Variants in MLANA observed in about 807,000 individuals in gnomAD.
The protein encoded by MLANA is melanoma antigen recognized by T-cells 1.
MLANA carries 21 observed loss-of-function variants against 15.7 expected under a neutral mutation model. The ratio of observed to expected loss-of-function variants is 1.33; its 90% confidence interval spans 0.95 to 1.92. The LOEUF (loss-of-function observed/expected upper bound fraction) is 1.92, where lower values mean the gene tolerates loss of function less well. MLANA is among the 40% of genes most tolerant of loss of function. The pLI is 0.00. For missense variants in MLANA, 164 were observed against 143.8 expected, an observed-to-expected ratio of 1.14 and a Z score of -0.72; for synonymous variants, 56 against 51.5, an observed-to-expected ratio of 1.09 and a Z score of -0.37.
At chr9:5,893,635 A>G (rs1831806191) in intron 2 of MLANA, among the ~76,000 whole-genome samples, 1 of 152,184 alleles carries the variant, frequency 6.6e-6, no homozygotes, top group Non-Finnish European at 1.5e-5. Context: ...CCGTGCTATT[A>G]GTTAGGGTAT....
In MLANA at chr9:5,906,129, T is replaced by C. The variant is rs1586962141; in HGVS notation, c.175-756T>C. Among the ~76,000 whole-genome samples, 3 of 151,682 alleles carry C rather than the reference T, an allele frequency of 2.0e-5. No individual in the cohort carries two copies. In the East Asian group the frequency reaches 5.8e-4, roughly 29 times the overall value. On this transcript the variant is annotated intron_variant, in intron 3 of 4. Coordinates refer to ENST00000381477, the MANE Select transcript of MLANA (RefSeq NM_005511.2). ...CTACTCAGAGGCTGAGGCAGGAGGA[T>C]TGCTTGAGCTCAGGAGTTTAAGACC...
intron 3 of MLANA, 21 bp from the exon 4 acceptor site, chr9:5,906,864 C>T (rs766673610): frequency 2.7e-6 from 4 of 1,484,928 alleles, no homozygotes; most frequent in African/African-American, 1.5e-5. Flanking sequence ...ACCCACTCAC[C>T]TTTATCAATT....
Position 5,894,445 on chromosome 9 carries a change from C to T in MLANA, c.77+1894C>T, listed in dbSNP as rs887608760. ...CTACCCCCGTGTCTGGGGTAACAAA[C>T]GGAAGGGTGAGGCCATCAGGACCTA... On this transcript the variant is annotated intron_variant, in intron 2 of 4. Transcript: ENST00000381477. This position sits in a 1 kb window ranked among gnomAD's most constrained non-coding sequence, Gnocchi z 4.0. Among the ~76,000 whole-genome samples the T allele has an allele frequency of 1.2e-4, 19 of 152,236 alleles. No homozygotes were observed. Among genetic ancestry groups the T allele is most frequent in the Admixed American group, 3.9e-4 (6 of 15,284 alleles).
intron 2 of MLANA, among the ~76,000 whole-genome samples, chr9:5,893,386 G>A (rs1231287532): frequency 2.6e-5 from 4 of 152,182 alleles, no homozygotes; most frequent in East Asian, 1.9e-4. Context: ...CTGTGAACCT[G>A]CTCTTTCTTT....
intron 2 of MLANA, 100 bp from the exon 3 acceptor site, chr9:5,897,457 G>T: frequency 9.3e-7 from 1 of 1,072,034 alleles, no homozygotes; most frequent in Non-Finnish European, 1.4e-6. Context: ...GCTGCTCTGG[G>T]TCGTCAAAGT....
chr9:5,905,863 C>T (rs938985277), intron 3 of MLANA, among the ~76,000 whole-genome samples: 2 of 152,210 alleles, frequency 1.3e-5, no homozygotes, highest in African/African-American at 4.8e-5. Flanking sequence ...AGACTATTCT[C>T]CCGGCCATGG....
chr9:5,892,522 G>A lies in MLANA; in HGVS notation c.48G>A (p.Gly16=). 1 of 1,613,760 alleles carries A rather than the reference G, an allele frequency of 6.2e-7. No individual in the cohort carries two copies. Among genetic ancestry groups the A allele is most frequent in the Non-Finnish European group, 8.5e-7 (1 of 1,179,888 alleles). Residue 16 remains glycine, a synonymous_variant, in exon 2 of 5, where the codon GGG becomes GGA. Transcript: ENST00000381477. ...AHFIYGYPKK[G]HGHSYTTAEE... is the part of the protein sequence containing the mutation. ...TCATCTATGGTTACCCCAAGAAGGGGCACGGCCACTCTTACACCACGGCTG... is the reference window on the plus strand; with the variant it reads ...TCATCTATGGTTACCCCAAGAAGGGACACGGCCACTCTTACACCACGGCTG...
At chr9:5,901,404 G>T (rs1314296212) in intron 3 of MLANA, among the ~76,000 whole-genome samples, 1 of 152,116 alleles carries the variant, frequency 6.6e-6, no homozygotes, top group Non-Finnish European at 1.5e-5. Context: ...CTCGTTTATT[G>T]AGAGTTTTAA....
chr9:5,893,419 T>TAAC (rs1206664298), intron 2 of MLANA, among the ~76,000 whole-genome samples: 1 of 152,158 alleles, frequency 6.6e-6, no homozygotes, highest in African/African-American at 2.4e-5. Context: ...TGAACAATCT[T>TAAC]TGTTAACAGT....
At chr9:5,904,604 C>T (rs117149936) in intron 3 of MLANA, among the ~76,000 whole-genome samples, 2,044 of 152,054 alleles carry the variant, frequency 0.013, 22 homozygotes, top group Non-Finnish European at 0.022. Context: ...TCCTGAGTAG[C>T]TGAGATTAAA....
chr9:5,907,072 T>A, intron 4 of MLANA, 74 bp downstream of exon 4: 1 of 1,039,216 alleles, frequency 9.6e-7, no homozygotes. Flanking sequence ...ATTATTTCCA[T>A]TTAAAAAGCA....
At chr9:5,906,116 T>G (rs1293010036) in intron 3 of MLANA, among the ~76,000 whole-genome samples, 1 of 151,618 alleles carries the variant, frequency 6.6e-6, no homozygotes, top group East Asian at 1.9e-4. Context: ...ACTCAGAGGC[T>G]GAGGCAGGAG....
intron 4 of MLANA, among the ~76,000 whole-genome samples, chr9:5,908,417 T>G (rs1832954898): frequency 6.6e-6 from 1 of 152,338 alleles, no homozygotes; most frequent in South Asian, 2.1e-4. Context: ...TTTGAGATTT[T>G]GGGAACTCCT....
At chr9:5,904,511 C>T (rs563663343) in intron 3 of MLANA, among the ~76,000 whole-genome samples, 24 of 152,096 alleles carry the variant, frequency 1.6e-4, no homozygotes, top group African/African-American at 5.1e-4. Flanking sequence ...CTCACTCTGT[C>T]GCCCAGGCTG....
At chr9:5,896,375 G>A (rs910112385) in intron 2 of MLANA, among the ~76,000 whole-genome samples, 3 of 152,166 alleles carry the variant, frequency 2.0e-5, no homozygotes, top group Non-Finnish European at 2.9e-5. Flanking sequence ...TCTATAAAGC[G>A]GGTGGACTGA....
rs193208764 is a variant in MLANA at position 5,905,750 on chromosome 9, G to A, written c.175-1135G>A. ...CAGGCTGACCCAATGTATACCTTCC[G>A]TGTATTGATTTATGATTTTTACCTA... On this transcript the variant is annotated intron_variant, in intron 3 of 4. Transcript: ENST00000381477. 4.6e-5 allele frequency among the ~76,000 whole-genome samples: 7 copies of A among 152,250 alleles called. No individual in the cohort carries two copies. The East Asian group carries it at 5.8e-4, about 13-fold the overall frequency.
intron 3 of MLANA, among the ~76,000 whole-genome samples, chr9:5,906,227 G>C (rs1231694059): frequency 2.0e-5 from 3 of 150,716 alleles, no homozygotes; most frequent in African/African-American, 7.3e-5. Context: ...AGTTTTAGGA[G>C]GCTGAGGCAG....
At chr9:5,892,353 T>C (rs747788257) in intron 1 of MLANA, 97 bp from the exon 2 acceptor site, 3 of 737,612 alleles carry the variant, frequency 4.1e-6, no homozygotes, top group East Asian at 5.8e-5. Flanking sequence ...GCTATGGATA[T>C]TGGTCACCTA....
At chr9:5,892,126 T>C (rs1014542807) in intron 1 of MLANA, among the ~76,000 whole-genome samples, 2 of 152,244 alleles carry the variant, frequency 1.3e-5, no homozygotes, top group Non-Finnish European at 2.9e-5. Flanking sequence ...TCTAGAAGTT[T>C]ATGGTGCAGA....
Sources: allele counts gnomAD v4.1 joint callset (sites outside exome capture counted in the v4.1 genomes callset), GRCh38; gene constraint gnomAD v4.1.1; non-coding constraint Gnocchi (gnomAD v3.1); transcripts MANE v1.5; gene names NCBI Gene and HGNC (gene_info 2026-07-23, HGNC 2026-07-21).